The following TCF12 variants were observed in gnomAD, a reference collection of about 807,000 sequenced individuals.
The protein encoded by TCF12 is transcription factor 12.
TCF12 carries 45 observed loss-of-function variants against 86.0 expected under a neutral mutation model. The ratio of observed to expected loss-of-function variants is 0.52; its 90% confidence interval spans 0.41 to 0.67. The LOEUF is 0.67. Among genes scored for constraint, TCF12 ranks in the 30% least tolerant of loss-of-function variants. The pLI, the probability that TCF12 is intolerant of heterozygous loss-of-function variation, is 0.00. For synonymous variants in TCF12, 330 were observed against 299.6 expected (o/e 1.10, Z -1.05); for missense variants, 881 against 859.9 (o/e 1.02, Z -0.31).
intron 3 of TCF12, among the ~76,000 whole-genome samples, chr15:57,008,504 A>G (rs1237578886): frequency 2.0e-5 from 3 of 151,372 alleles, no homozygotes; most frequent in Non-Finnish European, 4.4e-5. Context: ...ACAGGCATGC[A>G]CCACCATGCC....
chr15:56,944,432 A>G (rs1191528172), intron 3 of TCF12, among the ~76,000 whole-genome samples: 3 of 152,200 alleles, frequency 2.0e-5, no homozygotes. Flanking sequence ...TTGTCTTGTA[A>G]TTGCTTTAAA....
At chr15:57,129,059 T>G (rs1218838087) in intron 5 of TCF12, among the ~76,000 whole-genome samples, 1 of 152,198 alleles carries the variant, frequency 6.6e-6, no homozygotes, top group Non-Finnish European at 1.5e-5. Context: ...GGAGTGGAGT[T>G]ACCAGGTAAT....
intron 3 of TCF12, among the ~76,000 whole-genome samples, chr15:57,028,116 A>C (rs953954865): frequency 2.6e-5 from 4 of 152,030 alleles, no homozygotes; most frequent in African/African-American, 7.2e-5. Context: ...GGCACGCATC[A>C]CCACACCCAG....
chr15:57,288,821 G>A lies in TCF12; in HGVS notation c.*2676G>A, dbSNP rs1375816215. On this transcript the variant is annotated 3_prime_UTR_variant, in exon 21 of 21. Transcript: ENST00000333725. ...AAATCTACTCATTTGTAGATACAGA[G>A]AAAAATGAAGAAGATGGAAAAAGAC... is the stretch of plus-strand genomic sequence containing the variant. 1 of 152,042 alleles carries A rather than the reference G, an allele frequency of 6.6e-6. No homozygotes were observed. The highest frequency in any genetic ancestry group is 1.5e-5 in the Non-Finnish European group (1 of 68,010). 9.4% of individuals were successfully genotyped at this position (152,042 alleles called of 1,614,324 possible).
chr15:57,257,504 A>T (rs201524229), intron 16 of TCF12, among the ~76,000 whole-genome samples: 31 of 152,016 alleles, frequency 2.0e-4, no homozygotes, highest in South Asian at 4.2e-4. Flanking sequence ...CAAAAAAAAA[A>T]TTTTTAATTA....
intron 16 of TCF12, among the ~76,000 whole-genome samples, chr15:57,256,452 C>A (rs2060349536): frequency 6.6e-6 from 1 of 152,120 alleles, no homozygotes; most frequent in Non-Finnish European, 1.5e-5. Flanking sequence ...AAGAGTTAAT[C>A]TCCAGCTTTT....
At chr15:56,939,778 G>C (rs2060643036) in intron 3 of TCF12, among the ~76,000 whole-genome samples, 1 of 152,118 alleles carries the variant, frequency 6.6e-6, no homozygotes, top group Admixed American at 6.5e-5. Context: ...ACGTTGATTA[G>C]CTGAGTGGAG....
intron 5 of TCF12, among the ~76,000 whole-genome samples, chr15:57,124,270 AT>A (rs780971782): frequency 7.2e-5 from 11 of 152,040 alleles, no homozygotes; most frequent in Non-Finnish European, 1.5e-4. Context: ...TTCCATAGAG[AT>A]TTATCATTTT....
At chr15:57,018,924 A>C (rs1361415883) in intron 3 of TCF12, among the ~76,000 whole-genome samples, 1 of 152,192 alleles carries the variant, frequency 6.6e-6, no homozygotes, top group African/African-American at 2.4e-5. Context: ...CTGTGCTGAG[A>C]TGTGTTGATA....
chr15:57,219,772 A>T (rs2058499995), intron 8 of TCF12, among the ~76,000 whole-genome samples: 1 of 137,108 alleles, frequency 7.3e-6, no homozygotes, highest in East Asian at 2.1e-4. Context: ...GTCACCCAGG[A>T]TGGAGTGCAG....
intron 13 of TCF12, 81 bp from the exon 14 acceptor site, chr15:57,251,269 A>G: frequency 8.7e-7 from 1 of 1,153,764 alleles, no homozygotes; most frequent in South Asian, 1.3e-5. Context: ...TTAGTTATTG[A>G]GTATCTTTAC....
At chr15:57,102,150 A>G (rs1241595933) in intron 5 of TCF12, among the ~76,000 whole-genome samples, 2 of 150,904 alleles carry the variant, frequency 1.3e-5, no homozygotes, top group African/African-American at 4.9e-5. Context: ...TTAAATAGCT[A>G]TATAAGTACT....
At chr15:57,248,368 A>G (rs990519143) in intron 13 of TCF12, among the ~76,000 whole-genome samples, 11 of 152,194 alleles carry the variant, frequency 7.2e-5, no homozygotes, top group African/African-American at 2.7e-4. Context: ...GATAGAAGAG[A>G]GGAATGGCTT....
chr15:57,037,926 TAAAGTG>T (rs2066619213), intron 3 of TCF12, among the ~76,000 whole-genome samples: 1 of 152,220 alleles, frequency 6.6e-6, no homozygotes, highest in South Asian at 2.1e-4. Context: ...TTCAGCACTG[TAAAGTG>T]AAATAAGCTA....
chr15:56,997,082 G>C (rs1451818430), intron 3 of TCF12, among the ~76,000 whole-genome samples: 1 of 152,074 alleles, frequency 6.6e-6, no homozygotes, highest in Admixed American at 6.5e-5. Flanking sequence ...TCAAAGACCT[G>C]GGAGTTGAAC....
chr15:57,220,548 G>T (rs1490380783), intron 8 of TCF12, among the ~76,000 whole-genome samples: 1 of 152,086 alleles, frequency 6.6e-6, no homozygotes, highest in African/African-American at 2.4e-5. Context: ...ACTTCTGGTT[G>T]ATTTATAGCA....
chr15:57,094,470 A>C (rs574920921), intron 5 of TCF12, among the ~76,000 whole-genome samples: 1 of 152,346 alleles, frequency 6.6e-6, no homozygotes, highest in Admixed American at 6.5e-5. Flanking sequence ...CAGGCAATTC[A>C]ACTTGATATG....
chr15:57,166,349 T>A, intron 5 of TCF12, 53 bp from the exon 6 acceptor site: 1 of 1,450,664 alleles, frequency 6.9e-7, no homozygotes, highest in Non-Finnish European at 9.5e-7. Context: ...GCAGTTTGAT[T>A]GTCTGTCAAT....
intron 4 of TCF12, among the ~76,000 whole-genome samples, chr15:57,074,190 C>T (rs1474183475): frequency 1.3e-5 from 2 of 152,060 alleles, no homozygotes; most frequent in African/African-American, 4.8e-5. Flanking sequence ...TGACCTTGGA[C>T]AAGAGAGTTA....
Sources: gnomAD v4.1 joint callset for allele counts (sites outside exome capture counted in the v4.1 genomes callset) on GRCh38, gnomAD v4.1.1 for gene constraint, MANE v1.5 for transcripts, NCBI Gene and HGNC (gene_info 2026-07-23, HGNC 2026-07-21) for gene names.